Variants in CIMIP6 observed in about 807,000 individuals in gnomAD.
CIMIP6 encodes uncharacterized protein C2orf73.
At chr2:54,369,912 A>G in the CIMIP6 span, among the ~76,000 whole-genome samples, 2 of 152,208 alleles carry the variant, frequency 1.3e-5, no homozygotes, top group African/African-American at 4.8e-5. Context: ...ACAAAAACAT[A>G]GAGTAATTCC....
At chr2:54,343,988 G>A in the CIMIP6 span, 8 of 952,406 alleles carry the variant, frequency 8.4e-6, no homozygotes, top group East Asian at 5.8e-5. Context: ...CTATGAAGTT[G>A]AAAATACACA....
the CIMIP6 span, among the ~76,000 whole-genome samples, chr2:54,370,922 C>A: frequency 6.6e-6 from 1 of 152,224 alleles, no homozygotes; most frequent in African/African-American, 2.4e-5. Context: ...CCACCCAGGG[C>A]AGGATTTTCA....
At chr2:54,356,249 AG>A in the CIMIP6 span, among the ~76,000 whole-genome samples, 2 of 152,102 alleles carry the variant, frequency 1.3e-5, no homozygotes, top group Non-Finnish European at 2.9e-5. Flanking sequence ...GAAATGCCCA[AG>A]GGGGCAACAT....
chr2:54,365,598 C>G, the CIMIP6 span, among the ~76,000 whole-genome samples: 1 of 152,150 alleles, frequency 6.6e-6, no homozygotes, highest in Admixed American at 6.6e-5. Context: ...GCTGGCTCTG[C>G]CTTTGCCTTT....
At chr2:54,346,500 TA>T in the CIMIP6 span, among the ~76,000 whole-genome samples, 2 of 152,196 alleles carry the variant, frequency 1.3e-5, no homozygotes, top group African/African-American at 2.4e-5. Context: ...TCAAACCTGA[TA>T]TGGCTGGAAT....
At chr2:54,343,722 T>C in the CIMIP6 span, 2 of 1,585,704 alleles carry the variant, frequency 1.3e-6, no homozygotes, top group Middle Eastern at 1.7e-4. Context: ...CTATAAAGGG[T>C]GACTGGTGGT....
At chr2:54,341,058 G>C in the CIMIP6 span, among the ~76,000 whole-genome samples, 4 of 152,286 alleles carry the variant, frequency 2.6e-5, no homozygotes, top group South Asian at 8.3e-4. Context: ...AGTAACTTGA[G>C]TATTAGCAAA....
At chr2:54,339,719 C>A in the CIMIP6 span, among the ~76,000 whole-genome samples, 11 of 74,480 alleles carry the variant, frequency 1.5e-4, 5 homozygotes. Context: ...GTCAAAAGCC[C>A]ACATTTCCTT....
At chr2:54,369,069 C>T in the CIMIP6 span, among the ~76,000 whole-genome samples, 18 of 152,240 alleles carry the variant, frequency 1.2e-4, no homozygotes, top group Non-Finnish European at 1.6e-4. Flanking sequence ...GCATCGTATG[C>T]ACAAAGCATA....
At chr2:54,380,348 C>T in the CIMIP6 span, among the ~76,000 whole-genome samples, 1 of 152,100 alleles carries the variant, frequency 6.6e-6, no homozygotes, top group African/African-American at 2.4e-5. Context: ...TAGTACAAGC[C>T]TGGATTCCAA....
the CIMIP6 span, among the ~76,000 whole-genome samples, chr2:54,347,211 G>A: frequency 2.0e-5 from 3 of 152,122 alleles, no homozygotes; most frequent in Admixed American, 2.0e-4. Flanking sequence ...ATGCTACTTA[G>A]GTATAGGCAA....
At chr2:54,356,060 A>T in the CIMIP6 span, among the ~76,000 whole-genome samples, 4 of 151,694 alleles carry the variant, frequency 2.6e-5, no homozygotes, top group East Asian at 7.7e-4. Context: ...GTATCACAAA[A>T]CCTATTTAGA....
the CIMIP6 span, among the ~76,000 whole-genome samples, chr2:54,334,660 C>T: frequency 6.6e-6 from 1 of 152,112 alleles, no homozygotes; most frequent in African/African-American, 2.4e-5. Flanking sequence ...TAGAAAATGG[C>T]CTCCTAAATT....
At chr2:54,354,352 T>C in the CIMIP6 span, among the ~76,000 whole-genome samples, 1 of 152,176 alleles carries the variant, frequency 6.6e-6, no homozygotes, top group Admixed American at 6.5e-5. Context: ...AACATTGAAA[T>C]GTATGACATT....
chr2:54,363,996 T>C, the CIMIP6 span, among the ~76,000 whole-genome samples: 5 of 152,206 alleles, frequency 3.3e-5, no homozygotes, highest in Admixed American at 3.3e-4. Flanking sequence ...CTCAATCTTT[T>C]CAAACATGAG....
At chr2:54,383,358 T>C in the CIMIP6 span, 1 of 152,242 alleles carries the variant, frequency 6.6e-6, no homozygotes, top group South Asian at 2.1e-4. Context: ...CATAAACAGA[T>C]AACTAACAGA....
the CIMIP6 span, chr2:54,381,997 C>A: frequency 6.5e-7 from 1 of 1,529,850 alleles, no homozygotes; most frequent in South Asian, 1.3e-5. Context: ...TAAGTATTAG[C>A]AGTTTCATTT....
At chr2:54,359,213 A>G in the CIMIP6 span, 1 of 622,868 alleles carries the variant, frequency 1.6e-6, no homozygotes, top group Non-Finnish European at 2.8e-6. Context: ...TGTTAGCCAC[A>G]TACCATAGTA....
the CIMIP6 span, among the ~76,000 whole-genome samples, chr2:54,374,364 A>G: frequency 2.0e-5 from 3 of 152,222 alleles, no homozygotes; most frequent in Admixed American, 2.0e-4. Context: ...CTGAGTAATT[A>G]AATTTGAGTG....
Sources: gnomAD v4.1 joint callset for allele counts (sites outside exome capture counted in the v4.1 genomes callset) on GRCh38, gnomAD v4.1.1 for gene constraint, MANE v1.5 for transcripts, NCBI Gene and HGNC (gene_info 2026-07-23, HGNC 2026-07-21) for gene names.